Variants in MAML2 observed in about 807,000 individuals in gnomAD.
MAML2 encodes mastermind like transcriptional coactivator 2.
Under a neutral mutation model 96.1 loss-of-function variants are expected in MAML2, and 22 were observed. The observed-to-expected ratio is 0.23, with a 90% CI of 0.16 to 0.33. The LOEUF is 0.33. Ranked by LOEUF, MAML2 falls within the 10% of genes least tolerant of loss-of-function variation. The pLI is 1.00. For synonymous variants in MAML2, 561 were observed against 521.3 expected (o/e 1.08, Z -1.04); for missense variants, 1,367 against 1,392.4 (o/e 0.98, Z 0.29).
Position 96,341,926 on chromosome 11 carries a change from G to T in MAML2, c.-31C>A. On this transcript the variant is annotated 5_prime_UTR_variant, in exon 1 of 5. Transcript: ENST00000524717. Reference sequence around the variant, plus strand: ...CGGACACAATGATTGCTGCCTCTGGGATGGTGAGGTGGAAAGAGGCTACTG... The same window carrying T: ...CGGACACAATGATTGCTGCCTCTGGTATGGTGAGGTGGAAAGAGGCTACTG... The T allele has an allele frequency of 6.7e-7, 1 of 1,482,450 alleles. No homozygotes were observed. The highest frequency in any genetic ancestry group is 8.9e-7 in the Non-Finnish European group (1 of 1,122,400). The allele number at this position is 1,482,450 out of a possible 1,614,324, so 91.8% of individuals were successfully genotyped here.
Position 95,978,351 on chromosome 11 carries a change from G to A in MAML2, c.*597C>T, listed in dbSNP as rs1301315446. ...AGGATTGTGGGAAAATTGTAAAAGTGAGGAGTGAATATGGGGAAGAAATTC... is the reference window on the plus strand; with the variant it reads ...AGGATTGTGGGAAAATTGTAAAAGTAAGGAGTGAATATGGGGAAGAAATTC... On this transcript the variant is annotated 3_prime_UTR_variant, in exon 5 of 5. Coordinates refer to ENST00000524717, the MANE Select transcript of MAML2 (RefSeq NM_032427.4). 2 of 197,742 alleles carry A rather than the reference G, an allele frequency of 1.0e-5. No homozygotes were observed. Among genetic ancestry groups the A allele is most frequent in the Non-Finnish European group, 2.1e-5 (2 of 95,552 alleles). 12.2% of individuals were successfully genotyped at this position (197,742 alleles called of 1,614,324 possible). A position where few individuals can be genotyped will look rare whatever the true frequency, so the allele number is the denominator to read the frequency against.
chr11:96,278,809 G>T (rs1281006615), intron 1 of MAML2, among the ~76,000 whole-genome samples: 1 of 152,110 alleles, frequency 6.6e-6, no homozygotes, highest in African/African-American at 2.4e-5. Flanking sequence ...TATCATAAAA[G>T]CATTTTACAA....
At chr11:96,038,960 A>G (rs181466014) in intron 2 of MAML2, among the ~76,000 whole-genome samples, 1 of 152,302 alleles carries the variant, frequency 6.6e-6, no homozygotes, top group East Asian at 1.9e-4. Context: ...AATGAATGAA[A>G]ATAATTCTAG....
chr11:96,110,896 G>A (rs1319660713), intron 1 of MAML2, among the ~76,000 whole-genome samples: 4 of 152,156 alleles, frequency 2.6e-5, no homozygotes, highest in African/African-American at 7.2e-5. Flanking sequence ...GGGTCTAATC[G>A]CTTGTTAAAT....
At chr11:96,289,569 G>A (rs746327979) in intron 1 of MAML2, among the ~76,000 whole-genome samples, 9 of 152,120 alleles carry the variant, frequency 5.9e-5, no homozygotes, top group Non-Finnish European at 1.2e-4. Context: ...CCTAATTTAA[G>A]AGAAGAAAAT....
At chr11:96,086,488 G>C (rs1190013836) in intron 2 of MAML2, among the ~76,000 whole-genome samples, 1 of 151,730 alleles carries the variant, frequency 6.6e-6, no homozygotes, top group African/African-American at 2.4e-5. Context: ...TTTAATCTGG[G>C]AACAGAGGTA....
At chr11:96,328,345 T>G (rs1863812535) in intron 1 of MAML2, among the ~76,000 whole-genome samples, 1 of 152,046 alleles carries the variant, frequency 6.6e-6, no homozygotes, top group African/African-American at 2.4e-5. Flanking sequence ...TAGAGGTAAC[T>G]GAAAAAAATG....
At chr11:96,060,537 C>T (rs6483476) in intron 2 of MAML2, among the ~76,000 whole-genome samples, 133,323 of 152,094 alleles carry the variant, frequency 0.88, 58,947 homozygotes, top group Non-Finnish European at 0.95. Context: ...TCAAATATAA[C>T]AGAAACACTG....
chr11:96,322,046 A>T (rs1003627515), intron 1 of MAML2, among the ~76,000 whole-genome samples: 1 of 152,168 alleles, frequency 6.6e-6, no homozygotes, highest in South Asian at 2.1e-4. Context: ...GCTCCCAGTC[A>T]CAGCACATGT....
chr11:96,057,677 C>G (rs1260111543), intron 2 of MAML2, among the ~76,000 whole-genome samples: 1 of 152,196 alleles, frequency 6.6e-6, no homozygotes. Context: ...AACACTTCAT[C>G]TATTTGGCTT....
At chr11:96,139,286 G>A (rs1164914414) in intron 1 of MAML2, among the ~76,000 whole-genome samples, 3 of 151,984 alleles carry the variant, frequency 2.0e-5, no homozygotes, top group African/African-American at 7.3e-5. Context: ...GACCATCCTG[G>A]CTAACACAGT....
At chr11:96,212,201 T>A (rs550032254) in intron 1 of MAML2, among the ~76,000 whole-genome samples, 2 of 149,234 alleles carry the variant, frequency 1.3e-5, no homozygotes, top group East Asian at 4.0e-4. Context: ...GAAGTACCTG[T>A]GGGAAACAGG....
chr11:96,233,757 A>G (rs528226218), intron 1 of MAML2, among the ~76,000 whole-genome samples: 2 of 152,344 alleles, frequency 1.3e-5, no homozygotes, highest in Admixed American at 1.3e-4. Flanking sequence ...GAAATAGAAA[A>G]CAAAATGATT....
At chr11:96,293,504 T>C in intron 1 of MAML2, among the ~76,000 whole-genome samples, 1 of 152,110 alleles carries the variant, frequency 6.6e-6, no homozygotes, top group Non-Finnish European at 1.5e-5. Context: ...TTGATGCATA[T>C]TAAGATAACT....
intron 2 of MAML2, among the ~76,000 whole-genome samples, chr11:95,993,849 T>G (rs1394939697): frequency 6.6e-6 from 1 of 152,228 alleles, no homozygotes; most frequent in Non-Finnish European, 1.5e-5. Flanking sequence ...TGAGGCTTAT[T>G]ATCAGCCAGT....
chr11:96,114,341 G>C (rs997898841), intron 1 of MAML2, among the ~76,000 whole-genome samples: 2 of 152,186 alleles, frequency 1.3e-5, no homozygotes, highest in African/African-American at 4.8e-5. Context: ...CAGTCTAGAG[G>C]TACCAGATTT....
At chr11:96,084,455 A>T (rs1859575252) in intron 2 of MAML2, among the ~76,000 whole-genome samples, 1 of 152,158 alleles carries the variant, frequency 6.6e-6, no homozygotes, top group Non-Finnish European at 1.5e-5. Context: ...ATCCAAGGGC[A>T]TGTCCATCCA....
At chr11:96,010,049 C>T (rs948657826) in intron 2 of MAML2, among the ~76,000 whole-genome samples, 3 of 152,134 alleles carry the variant, frequency 2.0e-5, no homozygotes, top group African/African-American at 7.2e-5. Context: ...CTACTTACTG[C>T]AAACTGTAAT....
intron 4 of MAML2, among the ~76,000 whole-genome samples, chr11:95,981,550 A>G (rs1008145411): frequency 6.6e-6 from 1 of 152,216 alleles, no homozygotes; most frequent in African/African-American, 2.4e-5. Flanking sequence ...ATACATCCTG[A>G]AAAACTGAGG....
Sources: gnomAD v4.1 joint callset for allele counts (sites outside exome capture counted in the v4.1 genomes callset) on GRCh38, gnomAD v4.1.1 for gene constraint, MANE v1.5 for transcripts, NCBI Gene and HGNC (gene_info 2026-07-23, HGNC 2026-07-21) for gene names.